The following DLG2 variants were observed in gnomAD, a reference collection of about 807,000 sequenced individuals.
DLG2 encodes disks large homolog 2.
A neutral mutation model predicts 132.5 loss-of-function variants in DLG2; 45 were observed. The observed-to-expected ratio is 0.34, with a 90% CI of 0.27 to 0.44. The LOEUF (loss-of-function observed/expected upper bound fraction) is 0.44. Ranked by LOEUF, DLG2 falls within the 20% of genes least tolerant of loss-of-function variation. The pLI is 1.00. For missense variants in DLG2, 1,045 were observed against 1,196.9 expected, an observed-to-expected ratio of 0.87 and a Z score of 1.87; for synonymous variants, 424 against 419.6, an observed-to-expected ratio of 1.01 and a Z score of -0.13.
chr11:83,689,978 T>C (rs1002512315), intron 18 of DLG2, among the ~76,000 whole-genome samples: 14 of 141,436 alleles, frequency 9.9e-5, no homozygotes, highest in African/African-American at 2.7e-4. Context: ...ATTTATATTA[T>C]AATATATTTA....
At chr11:83,682,342 A>G in intron 18 of DLG2, 2 of 985,372 alleles carry the variant, frequency 2.0e-6, no homozygotes, top group Non-Finnish European at 2.4e-6. Flanking sequence ...CTAGATTCTC[A>G]TATTTTACAT....
intron 9 of DLG2, among the ~76,000 whole-genome samples, chr11:84,151,280 G>A (rs914035918): frequency 6.6e-6 from 1 of 151,878 alleles, no homozygotes; most frequent in Non-Finnish European, 1.5e-5. Context: ...TCAATCTTAG[G>A]AGGTTGTATG....
At chr11:83,537,541 G>A (rs553426130) in intron 20 of DLG2, among the ~76,000 whole-genome samples, 3 of 152,064 alleles carry the variant, frequency 2.0e-5, no homozygotes, top group Non-Finnish European at 2.9e-5. Context: ...ACAGCCAGGC[G>A]CGGTGGCTTA....
chr11:83,696,725 A>G (rs1469203028), intron 18 of DLG2, among the ~76,000 whole-genome samples: 1 of 152,234 alleles, frequency 6.6e-6, no homozygotes, highest in Admixed American at 6.5e-5. Flanking sequence ...ACAAATATTG[A>G]GTAAATGACT....
intron 18 of DLG2, among the ~76,000 whole-genome samples, chr11:83,666,009 C>A (rs1360424576): frequency 6.6e-6 from 1 of 152,030 alleles, no homozygotes; most frequent in African/African-American, 2.4e-5. Flanking sequence ...TTTTTTTTTA[C>A]AAACATGAAT....
chr11:84,211,416 T>C (rs2096753415), intron 8 of DLG2, among the ~76,000 whole-genome samples: 1 of 152,210 alleles, frequency 6.6e-6, no homozygotes, highest in Non-Finnish European at 1.5e-5. Context: ...TGAATAATTA[T>C]TTATTTAAGA....
intron 14 of DLG2, among the ~76,000 whole-genome samples, chr11:83,939,342 C>G (rs2082160473): frequency 6.6e-6 from 1 of 152,136 alleles, no homozygotes; most frequent in Non-Finnish European, 1.5e-5. Context: ...GGGTATCCCA[C>G]TGGTATTTTC....
chr11:85,253,291 A>C (rs2076490823), intron 4 of DLG2, among the ~76,000 whole-genome samples: 1 of 152,138 alleles, frequency 6.6e-6, no homozygotes, highest in African/African-American at 2.4e-5. Context: ...AGCAAAACAA[A>C]ATTTTTATAT....
chr11:84,856,952 T>TCCC (rs2082870345), intron 6 of DLG2, among the ~76,000 whole-genome samples: 1 of 151,942 alleles, frequency 6.6e-6, no homozygotes, highest in South Asian at 2.1e-4. Context: ...AAAAGTATGT[T>TCCC]TTGTCACAAG....
intron 3 of DLG2, among the ~76,000 whole-genome samples, chr11:85,435,083 G>C (rs1480916165): frequency 6.6e-6 from 1 of 151,168 alleles, no homozygotes; most frequent in Non-Finnish European, 1.5e-5. Flanking sequence ...CATGATTATA[G>C]ATGCAGGAAA....
chr11:84,559,972 C>A (rs1005922224), intron 6 of DLG2, among the ~76,000 whole-genome samples: 3 of 152,042 alleles, frequency 2.0e-5, no homozygotes, highest in Non-Finnish European at 4.4e-5. Context: ...CTACTCTGTG[C>A]CAGATATTCC....
At chr11:84,257,073 C>G (rs1000575819) in intron 7 of DLG2, among the ~76,000 whole-genome samples, 1 of 152,114 alleles carries the variant, frequency 6.6e-6, no homozygotes, top group Admixed American at 6.5e-5. Flanking sequence ...ACATTAAGTA[C>G]CGGATTAGAT....
chr11:85,142,223 C>T (rs890105587), intron 5 of DLG2, among the ~76,000 whole-genome samples: 7 of 151,756 alleles, frequency 4.6e-5, no homozygotes, highest in Admixed American at 3.9e-4. Flanking sequence ...GTGCCCTCTT[C>T]AATTTCTTTT....
At chr11:84,672,165 A>G (rs561105221) in intron 6 of DLG2, among the ~76,000 whole-genome samples, 3 of 152,282 alleles carry the variant, frequency 2.0e-5, no homozygotes, top group Non-Finnish European at 2.9e-5. Flanking sequence ...AATAGTGTAA[A>G]AAATGCTTTA....
chr11:84,569,949 C>T (rs921856228), intron 6 of DLG2, among the ~76,000 whole-genome samples: 7 of 152,148 alleles, frequency 4.6e-5, no homozygotes, highest in Admixed American at 2.6e-4. Flanking sequence ...GTAGCAATGC[C>T]TAATTCTAAC....
At chr11:85,367,417 G>C (rs993745952) in intron 3 of DLG2, among the ~76,000 whole-genome samples, 2 of 152,128 alleles carry the variant, frequency 1.3e-5, no homozygotes, top group Non-Finnish European at 1.5e-5. Flanking sequence ...TGGTTTTAGT[G>C]AGGATGAGTT....
At chr11:83,485,298 C>G (rs2093431143) in intron 21 of DLG2, among the ~76,000 whole-genome samples, 1 of 152,112 alleles carries the variant, frequency 6.6e-6, no homozygotes, top group Non-Finnish European at 1.5e-5. Flanking sequence ...CCATTAATTC[C>G]ACTGCTGCTG....
At chr11:85,016,795 T>C (rs893000690) in intron 6 of DLG2, among the ~76,000 whole-genome samples, 2 of 152,128 alleles carry the variant, frequency 1.3e-5, no homozygotes, top group Admixed American at 6.6e-5. Flanking sequence ...CTCAGTCTCC[T>C]AATAAAATTG....
chr11:85,198,780 A>T (rs886523815), intron 4 of DLG2, among the ~76,000 whole-genome samples: 2 of 152,128 alleles, frequency 1.3e-5, no homozygotes, highest in African/African-American at 4.8e-5. Context: ...TTCTTCTCTT[A>T]CAACCACCCC....
Sources: gnomAD v4.1 joint callset for allele counts (sites outside exome capture counted in the v4.1 genomes callset) on GRCh38, gnomAD v4.1.1 for gene constraint, MANE v1.5 for transcripts, NCBI Gene and HGNC (gene_info 2026-07-23, HGNC 2026-07-21) for gene names.